Variants in CLEC16A observed in about 807,000 individuals in gnomAD.
The protein encoded by CLEC16A is protein CLEC16A.
A neutral mutation model predicts 109.5 loss-of-function variants in CLEC16A; 51 were observed. That is an observed-to-expected ratio of 0.47 (90% CI 0.37 to 0.59). CLEC16A has a LOEUF of 0.59. Ranked by LOEUF, CLEC16A falls within the 20% of genes least tolerant of loss-of-function variation. The pLI, the probability that CLEC16A is intolerant of heterozygous loss-of-function variation, is 0.00. For missense variants in CLEC16A, 1,339 were observed against 1,394.0 expected (o/e 0.96, Z 0.63); for synonymous variants, 673 against 564.2 (o/e 1.19, Z -2.73).
intron 23 of CLEC16A, among the ~76,000 whole-genome samples, chr16:11,168,275 C>T (rs777521518): frequency 6.6e-6 from 1 of 152,170 alleles, no homozygotes; most frequent in Non-Finnish European, 1.5e-5. Flanking sequence ...TCTGTCCCTA[C>T]CCCCACCATC....
At chr16:11,059,331 T>C (rs925114499) in intron 18 of CLEC16A, among the ~76,000 whole-genome samples, 5 of 152,232 alleles carry the variant, frequency 3.3e-5, no homozygotes, top group African/African-American at 7.2e-5. Context: ...ACCACCACCA[T>C]CATCATCATT....
chr16:10,997,218 TC>T, intron 10 of CLEC16A, among the ~76,000 whole-genome samples: 1 of 152,276 alleles, frequency 6.6e-6, no homozygotes, highest in Non-Finnish European at 1.5e-5. Context: ...TGCCTTAGCC[TC>T]CCCAGATCTT....
intron 19 of CLEC16A, among the ~76,000 whole-genome samples, chr16:11,081,305 C>T (rs764916640): frequency 6.6e-6 from 1 of 152,208 alleles, no homozygotes; most frequent in Non-Finnish European, 1.5e-5. Flanking sequence ...AAATTCTTCC[C>T]TCAGCCCCCT....
intron 12 of CLEC16A, among the ~76,000 whole-genome samples, chr16:11,023,964 A>G (rs1990076961): frequency 6.6e-6 from 1 of 152,218 alleles, no homozygotes; most frequent in Admixed American, 6.5e-5. Flanking sequence ...CTTCACCTGG[A>G]AAGGCAGCAT....
At chr16:11,159,670 C>T (rs973208764) in intron 22 of CLEC16A, among the ~76,000 whole-genome samples, 1 of 152,214 alleles carries the variant, frequency 6.6e-6, no homozygotes, top group Non-Finnish European at 1.5e-5. Flanking sequence ...AGGAGGGTTT[C>T]ATGGGACAGA....
At chr16:11,134,573 A>T (rs528949522) in intron 22 of CLEC16A, among the ~76,000 whole-genome samples, 4 of 152,268 alleles carry the variant, frequency 2.6e-5, no homozygotes, top group South Asian at 4.1e-4. Context: ...GCTTGGGACC[A>T]TGAGTGTTTT....
chr16:10,998,012 G>A (rs2044430225), intron 10 of CLEC16A, among the ~76,000 whole-genome samples: 1 of 152,170 alleles, frequency 6.6e-6, no homozygotes, highest in Non-Finnish European at 1.5e-5. Context: ...CGTTCACTCA[G>A]GCACCCAGTC....
rs1335198441 is a variant in CLEC16A at position 11,060,919 on chromosome 16, C to T, written c.2013C>T (p.Phe671=). 3 of 1,611,658 alleles carry T rather than the reference C, an allele frequency of 1.9e-6. No individual in the cohort carries two copies. Among genetic ancestry groups the T allele is most frequent in the South Asian group, 2.2e-5 (2 of 90,794 alleles). Residue 671 remains phenylalanine, a synonymous_variant, in exon 19 of 24, where the codon TTC becomes TTT. Transcript: ENST00000409790. The part of the protein sequence containing the change: ...EKTRRAIRVF[F]MLRSLSLQLR... The stretch of plus-strand genomic sequence containing the variant: ...TGGTCCAGGCCATCCGGGTGTTCTT[C>T]ATGCTGCGTTCCCTGTCACTGCAAT...
intron 22 of CLEC16A, among the ~76,000 whole-genome samples, chr16:11,155,469 C>T (rs2054474229): frequency 6.6e-6 from 1 of 152,242 alleles, no homozygotes; most frequent in African/African-American, 2.4e-5. Flanking sequence ...TAGCAGAAGG[C>T]TCGTGTCCAG....
intron 19 of CLEC16A, among the ~76,000 whole-genome samples, chr16:11,087,196 G>C (rs1367147703): frequency 6.6e-6 from 1 of 152,156 alleles, no homozygotes; most frequent in Non-Finnish European, 1.5e-5. Context: ...AACCATCTTA[G>C]GTCCCTGTCC....
intron 22 of CLEC16A, among the ~76,000 whole-genome samples, chr16:11,162,148 C>G (rs1272876429): frequency 6.6e-6 from 1 of 152,210 alleles, no homozygotes; most frequent in Non-Finnish European, 1.5e-5. Flanking sequence ...TTCATTAGTT[C>G]ATCTTCCCAA....
At chr16:11,092,885 C>A (rs992841013) in intron 19 of CLEC16A, among the ~76,000 whole-genome samples, 5 of 152,182 alleles carry the variant, frequency 3.3e-5, no homozygotes, top group African/African-American at 1.2e-4. Context: ...TAATAGAATC[C>A]CCAATGCATG....
At chr16:11,117,625 G>A (rs1319153148) in intron 19 of CLEC16A, among the ~76,000 whole-genome samples, 1 of 152,130 alleles carries the variant, frequency 6.6e-6, no homozygotes, top group Non-Finnish European at 1.5e-5. Flanking sequence ...GTGGGACATA[G>A]AATAAAAATG....
At chr16:11,049,570 C>T (rs1330701355) in intron 17 of CLEC16A, among the ~76,000 whole-genome samples, 2 of 152,208 alleles carry the variant, frequency 1.3e-5, no homozygotes, top group African/African-American at 2.4e-5. Context: ...AAAGGTGCCA[C>T]GCCCTTGCTC....
intron 11 of CLEC16A, among the ~76,000 whole-genome samples, chr16:11,019,525 T>C (rs2045967950): frequency 6.6e-6 from 1 of 152,140 alleles, no homozygotes; most frequent in Admixed American, 6.6e-5. Flanking sequence ...TCCCAACACT[T>C]TGGGAGGCCG....
In CLEC16A at chr16:10,971,238, T is replaced by C. The variant is rs1252710321; in HGVS notation, c.598+8T>C. On this transcript the variant is annotated splice_region_variant and intron_variant, in intron 5 of 23. Coordinates refer to ENST00000409790, the MANE Select transcript of CLEC16A (RefSeq NM_015226.3). Reference sequence around the variant, plus strand: ...CTTTGAATGTCTATAAAGGTAAGTGTCCTCATGGGCTTGTGTCTCGGCTGA... The same window carrying C: ...CTTTGAATGTCTATAAAGGTAAGTGCCCTCATGGGCTTGTGTCTCGGCTGA... The C allele has an allele frequency of 6.3e-7, 1 of 1,588,270 alleles. No homozygotes were observed. Among genetic ancestry groups the C allele is most frequent in the Non-Finnish European group, 8.6e-7 (1 of 1,157,912 alleles).
intron 22 of CLEC16A, among the ~76,000 whole-genome samples, chr16:11,158,690 A>C (rs2054616976): frequency 6.6e-6 from 1 of 151,746 alleles, no homozygotes; most frequent in Non-Finnish European, 1.5e-5. Context: ...TGGGAGGCCG[A>C]GGGAAGAGGA....
rs59658260 is a variant in CLEC16A, at chr16:10,959,014, GGTGTGTGT to G, written c.209+1135_209+1142del. 3.2e-4 allele frequency among the ~76,000 whole-genome samples: 47 copies of G among 146,292 alleles called. No individual in the cohort carries two copies. In the East Asian group the frequency reaches 4.6e-3, roughly 14 times the overall value. On this transcript the variant is annotated intron_variant, in intron 2 of 23. Coordinates refer to ENST00000409790, the MANE Select transcript of CLEC16A (RefSeq NM_015226.3). ...TGGGTTATGACAACCACTAAACACG[GGTGTGTGT>G]GTGTGTGTGTGTGTGTGTGTGTGTG... is the stretch of plus-strand genomic sequence containing the variant.
chr16:11,068,220 G>A (rs1332308800), intron 19 of CLEC16A, among the ~76,000 whole-genome samples: 3 of 152,192 alleles, frequency 2.0e-5, no homozygotes, highest in African/African-American at 7.2e-5. Context: ...AACTTTGCAG[G>A]GTTATTGTAA....
Sources: allele counts gnomAD v4.1 joint callset (sites outside exome capture counted in the v4.1 genomes callset), GRCh38; gene constraint gnomAD v4.1.1; transcripts MANE v1.5; gene names NCBI Gene and HGNC (gene_info 2026-07-23, HGNC 2026-07-21).